The following MYO16 variants were observed in gnomAD, a reference collection of about 807,000 sequenced individuals.
MYO16 encodes the protein unconventional myosin-XVI.
A neutral mutation model predicts 205.3 loss-of-function variants in MYO16; 94 were observed. The observed-to-expected ratio is 0.46, with a 90% CI of 0.39 to 0.54. MYO16 has a LOEUF of 0.54. Ranked by LOEUF, MYO16 falls within the 20% of genes least tolerant of loss-of-function variation. The pLI is 0.00. For missense variants in MYO16, 2,315 were observed against 2,387.5 expected (o/e 0.97, Z 0.63); for synonymous variants, 988 against 954.0 (o/e 1.04, Z -0.66).
chr13:108,862,343 C>T (rs1453545595), intron 11 of MYO16, among the ~76,000 whole-genome samples: 6 of 152,130 alleles, frequency 3.9e-5, no homozygotes, highest in African/African-American at 1.4e-4. Context: ...AGGTATTTCA[C>T]TCTCTTGGGA....
At chr13:109,046,823 A>G in intron 23 of MYO16, 93 bp from the exon 24 acceptor site, 1 of 1,058,068 alleles carries the variant, frequency 9.5e-7, no homozygotes, top group African/African-American at 1.6e-5. Flanking sequence ...TGAATATTTG[A>G]AAACTTCAGC....
chr13:108,863,513 A>C (rs929068819), intron 11 of MYO16, among the ~76,000 whole-genome samples: 2 of 152,120 alleles, frequency 1.3e-5, no homozygotes, highest in Admixed American at 6.5e-5. Context: ...CTTCAATTAG[A>C]AACCAACCTT....
At chr13:108,615,980 G>A (rs1046847594) in intron 1 of MYO16, among the ~76,000 whole-genome samples, 2 of 152,102 alleles carry the variant, frequency 1.3e-5, no homozygotes, top group East Asian at 1.9e-4. Context: ...ATATCCTGAA[G>A]TAGAACACAT....
chr13:108,688,485 C>T (rs956920456), intron 2 of MYO16, among the ~76,000 whole-genome samples: 6 of 152,078 alleles, frequency 3.9e-5, no homozygotes, highest in Non-Finnish European at 8.8e-5. Flanking sequence ...CCGCTATTAT[C>T]GCCACCCTAT....
At chr13:108,991,065 C>T (rs1053540441) in intron 20 of MYO16, among the ~76,000 whole-genome samples, 2 of 152,168 alleles carry the variant, frequency 1.3e-5, no homozygotes, top group African/African-American at 2.4e-5. Context: ...CAGAAAATTA[C>T]GACAGCAGTT....
intron 7 of MYO16, among the ~76,000 whole-genome samples, chr13:108,813,575 A>G (rs890104333): frequency 3.3e-5 from 5 of 152,206 alleles, no homozygotes; most frequent in Non-Finnish European, 7.3e-5. Flanking sequence ...CCACACTGAA[A>G]TACAACTATT....
intron 17 of MYO16, among the ~76,000 whole-genome samples, chr13:108,958,543 T>A (rs1883468196): frequency 6.6e-6 from 1 of 152,224 alleles, no homozygotes; most frequent in South Asian, 2.1e-4. Context: ...ATGGAAAAGT[T>A]AGTGACCTGC....
intron 21 of MYO16, among the ~76,000 whole-genome samples, chr13:109,005,532 C>CA (rs1427680828): frequency 2.6e-5 from 4 of 152,094 alleles, no homozygotes; most frequent in Admixed American, 6.5e-5. Flanking sequence ...CTCCACCTGT[C>CA]ATATTAATAA....
chr13:108,823,333 T>C, intron 9 of MYO16, 55 bp downstream of exon 9: 1 of 1,510,254 alleles, frequency 6.6e-7, no homozygotes, highest in South Asian at 1.3e-5. Flanking sequence ...GCTGGTCATT[T>C]TAGAGCCCAT....
intron 4 of MYO16, among the ~76,000 whole-genome samples, chr13:108,747,542 G>A (rs7988638): frequency 0.45 from 68,192 of 151,742 alleles, 15,450 homozygotes; most frequent in East Asian, 0.55. Flanking sequence ...TATAATTGTC[G>A]TGCTAAGACA....
At chr13:108,952,111 CAATA>C (rs142142365) in intron 16 of MYO16, among the ~76,000 whole-genome samples, 79,752 of 138,138 alleles carry the variant, frequency 0.58, 23,205 homozygotes, top group Non-Finnish European at 0.61. Context: ...GACTCCATCT[CAATA>C]AATAAATAAA....
At chr13:108,668,554 A>C (rs942888746) in intron 2 of MYO16, among the ~76,000 whole-genome samples, 1 of 152,178 alleles carries the variant, frequency 6.6e-6, no homozygotes, top group African/African-American at 2.4e-5. Flanking sequence ...GCACTGGTTC[A>C]ACAATTCCAG....
At chr13:108,500,742 G>A in the MYO16 span, among the ~76,000 whole-genome samples, 25 of 152,202 alleles carry the variant, frequency 1.6e-4, no homozygotes, top group Non-Finnish European at 2.4e-4. Context: ...ATTCATCTTC[G>A]TGCTCCAGTC....
intron 2 of MYO16, among the ~76,000 whole-genome samples, chr13:108,702,190 A>T (rs1335197042): frequency 6.6e-6 from 1 of 152,170 alleles, no homozygotes; most frequent in Non-Finnish European, 1.5e-5. Flanking sequence ...ATTAATCTAC[A>T]CATCTAAGAA....
chr13:108,559,470 CTTTTTTTTTTTT>C, the MYO16 span, among the ~76,000 whole-genome samples: 3 of 87,414 alleles, frequency 3.4e-5, no homozygotes, highest in Non-Finnish European at 6.8e-5. Flanking sequence ...TTTTTCTTTT[CTTTTTTTTTTTT>C]TTTTTTTTTT....
At chr13:108,930,584 T>G (rs943265514) in intron 16 of MYO16, among the ~76,000 whole-genome samples, 14 of 152,150 alleles carry the variant, frequency 9.2e-5, no homozygotes, top group African/African-American at 3.4e-4. Context: ...AAATCTTATT[T>G]TAAATTAGAA....
chr13:108,580,960 T>C, the MYO16 span, among the ~76,000 whole-genome samples: 3 of 152,206 alleles, frequency 2.0e-5, no homozygotes, highest in Non-Finnish European at 4.4e-5. Flanking sequence ...ATTAATTGTT[T>C]TATAAGCCTT....
intron 27 of MYO16, among the ~76,000 whole-genome samples, chr13:109,081,166 C>T (rs1888270083): frequency 6.6e-6 from 1 of 152,124 alleles, no homozygotes; most frequent in African/African-American, 2.4e-5. Context: ...TTGGTTAAAA[C>T]TATAAATTCT....
intron 2 of MYO16, among the ~76,000 whole-genome samples, chr13:108,677,990 G>A (rs1274939812): frequency 1.3e-5 from 2 of 152,200 alleles, no homozygotes; most frequent in Non-Finnish European, 2.9e-5. Context: ...TCTGTCAGCA[G>A]CCCAGACTGC....
Sources: allele counts gnomAD v4.1 joint callset (sites outside exome capture counted in the v4.1 genomes callset), GRCh38; gene constraint gnomAD v4.1.1; transcripts MANE v1.5; gene names NCBI Gene and HGNC (gene_info 2026-07-23, HGNC 2026-07-21).